Variants in HEATR5B observed in about 807,000 individuals in gnomAD.
HEATR5B encodes the protein HEAT repeat containing 5B, also known as HEAT repeat-containing protein 5B.
A neutral mutation model predicts 224.1 loss-of-function variants in HEATR5B; 156 were observed. The ratio of observed to expected loss-of-function variants is 0.70; its 90% CI spans 0.61 to 0.80. HEATR5B has a LOEUF of 0.80. Among genes scored for constraint, HEATR5B ranks in the 30% least tolerant of loss-of-function variants. The pLI, the probability that HEATR5B is intolerant of heterozygous loss-of-function variation, is 0.00. For synonymous variants in HEATR5B, 1,027 were observed against 893.0 expected (o/e 1.15, Z -2.68); for missense variants, 2,323 against 2,535.5 (o/e 0.92, Z 1.80).
At chr2:37,037,698 A>G (rs1669586284) in intron 21 of HEATR5B, among the ~76,000 whole-genome samples, 157 bp downstream of exon 21, 1 of 152,220 alleles carries the variant, frequency 6.6e-6, no homozygotes. Context: ...TGGATACCAC[A>G]TTCACTCTGA....
chr2:37,057,031 A>C (rs1207555666), intron 15 of HEATR5B, among the ~76,000 whole-genome samples: 1 of 152,220 alleles, frequency 6.6e-6, no homozygotes, highest in Non-Finnish European at 1.5e-5. Flanking sequence ...AAACTAAAAC[A>C]AAACAAAATA....
At chr2:37,080,957 T>G (rs1672525358) in intron 2 of HEATR5B, among the ~76,000 whole-genome samples, 1 of 152,062 alleles carries the variant, frequency 6.6e-6, no homozygotes, top group Non-Finnish European at 1.5e-5. Flanking sequence ...GGGTGGAGGG[T>G]GTACAGATAT....
At chr2:37,035,030 C>T (rs1046707292) in intron 21 of HEATR5B, among the ~76,000 whole-genome samples, 3 of 152,192 alleles carry the variant, frequency 2.0e-5, no homozygotes, top group African/African-American at 4.8e-5. Flanking sequence ...AATATCCAAT[C>T]CACCCATCTT....
intron 26 of HEATR5B, among the ~76,000 whole-genome samples, 187 bp from the exon 27 acceptor site, chr2:37,014,207 G>C (rs1667969471): frequency 6.6e-6 from 1 of 152,072 alleles, no homozygotes; most frequent in African/African-American, 2.4e-5. Flanking sequence ...TGTCACCCAG[G>C]CTGCAGCGGA....
chr2:37,019,944 C>A, intron 25 of HEATR5B, 67 bp from the exon 26 acceptor site: 1 of 1,178,256 alleles, frequency 8.5e-7, no homozygotes, highest in Non-Finnish European at 1.2e-6. Context: ...TACTCTATCA[C>A]CCAGGCTGGA....
At position 37,005,718 on chromosome 2, in the gene HEATR5B, G is replaced by A. The variant is rs752423745; in HGVS notation, c.4819C>T (p.Pro1607Ser). 1 of 1,609,718 alleles carries A rather than the reference G, an allele frequency of 6.2e-7. No individual in the cohort carries two copies. The highest frequency in any genetic ancestry group is 2.2e-5 in the East Asian group (1 of 44,828). ...QFLCSPRPEEPIEHVTACLQA... is the reference protein window; with the variant it reads ...QFLCSPRPEESIEHVTACLQA... Reference sequence around the variant, plus strand: ...AGGCATGCTGTAACATGTTCAATGGGCTCCTCAGGTCTAGGGGAACAAAGA... The same window carrying A: ...AGGCATGCTGTAACATGTTCAATGGACTCCTCAGGTCTAGGGGAACAAAGA... The change falls in exon 30 of 36, where the codon CCC becomes TCC. Residue 1607 changes from proline (P) to serine (S), a missense_variant. Pro to Ser is a moderately conservative substitution (Grantham distance 74). Coordinates refer to ENST00000233099, the MANE Select transcript of HEATR5B (RefSeq NM_019024.3).
In HEATR5B at chr2:37,008,707, C is replaced by G; in HGVS notation, c.4426G>C (p.Glu1476Gln). ...CACAGGCGACTGAGTGTTGGTAGTT[C>G]AGGTTGTACCAGTGTTATTAAACTA... ...PDSLITLVQP[E>Q]LPTLSRLWLA... The change falls in exon 28 of 36, where the codon GAA (glutamate) becomes CAA (glutamine). Residue 1476 changes from glutamate to glutamine, a missense_variant. Coordinates refer to ENST00000233099, the MANE Select transcript of HEATR5B (RefSeq NM_019024.3). 1 of 1,614,138 alleles carries G rather than the reference C, an allele frequency of 6.2e-7. No individual in the cohort carries two copies. Among genetic ancestry groups the G allele is most frequent in the Non-Finnish European group, 8.5e-7 (1 of 1,180,004 alleles).
At chr2:37,046,179 T>C (rs1280127373) in intron 18 of HEATR5B, among the ~76,000 whole-genome samples, 1 of 152,218 alleles carries the variant, frequency 6.6e-6, no homozygotes, top group Non-Finnish European at 1.5e-5. Context: ...CTCATAATCA[T>C]GCACCAATAC....
At chr2:37,044,630 TGG>T (rs1371106031) in intron 18 of HEATR5B, among the ~76,000 whole-genome samples, 1 of 152,200 alleles carries the variant, frequency 6.6e-6, no homozygotes, top group African/African-American at 2.4e-5. Context: ...TACCTAGAAG[TGG>T]AACTGGTAGG....
rs779205877 is a variant in HEATR5B at position 37,020,816 on chromosome 2, G to C, written c.3874C>G (p.Leu1292Val). 1.3e-6 allele frequency: 2 copies of C among 1,557,928 alleles called. No individual in the cohort carries two copies. The highest frequency in any genetic ancestry group is 8.6e-7 in the Non-Finnish European group (1 of 1,160,296). ...NPTNDLLVLH[L>V]SDLIRMAFMA... ...AATGCCATGCGAATGAGGTCAGAGAGATGAAGTACCAAGAGGTCATCTAAA... is the reference window on the plus strand; with the variant it reads ...AATGCCATGCGAATGAGGTCAGAGACATGAAGTACCAAGAGGTCATCTAAA... Residue 1292 changes from leucine (L) to valine (V), a missense_variant, in exon 25 of 36, where the codon CTC (leucine) becomes GTC (valine). By Grantham distance (32) the Leu-to-Val change is conservative. Around this residue, in one of 12 missense-constraint regions of HEATR5B, gnomAD observed 339 missense variants for 378.4 expected, o/e 0.90. Transcript: ENST00000233099.
intron 16 of HEATR5B, among the ~76,000 whole-genome samples, chr2:37,054,174 ATCTTAGATGATTTCTCTGTT>A (rs1670738025): frequency 1.4e-5 from 2 of 146,164 alleles, no homozygotes; most frequent in Non-Finnish European, 3.0e-5. Context: ...ATCCATGGCC[ATCTTAGATGATTTCTCTGTT>A]TTTTTTTTTT....
chr2:36,993,147 G>T (rs1342492497), intron 33 of HEATR5B, among the ~76,000 whole-genome samples: 1 of 152,044 alleles, frequency 6.6e-6, no homozygotes, highest in Non-Finnish European at 1.5e-5. Context: ...GAAATACTCA[G>T]TCTGCTACAT....
At chr2:37,014,410 C>G (rs920995197) in intron 26 of HEATR5B, among the ~76,000 whole-genome samples, 13 of 151,746 alleles carry the variant, frequency 8.6e-5, no homozygotes, top group African/African-American at 3.1e-4. Flanking sequence ...GATCTGCCTG[C>G]CTCAGCCTCC....
Position 37,040,514 on chromosome 2 carries a change from C to G in HEATR5B, c.2861G>C (p.Trp954Ser). ...TATCAAAGCAAGTGAATGAAGAGAC[C>G]AAGTCTAGAATAAAATATAATTTCA... is the stretch of plus-strand genomic sequence containing the variant. ...QDGTSPEVQT[W>S]SLHSLALIVD... Residue 954 changes from tryptophan (W) to serine (S), a missense_variant, in exon 20 of 36, where the codon TGG becomes TCG. Transcript: ENST00000233099. 1 of 1,601,914 alleles carries G rather than the reference C, an allele frequency of 6.2e-7. No homozygotes were observed. The highest frequency in any genetic ancestry group is 2.2e-5 in the East Asian group (1 of 44,712).
At chr2:37,032,841 A>G in intron 21 of HEATR5B, 68 bp from the exon 22 acceptor site, 13 of 1,335,504 alleles carry the variant, frequency 9.7e-6, no homozygotes, top group East Asian at 2.4e-5. Flanking sequence ...TTATTTGCCC[A>G]ATGAATATAT....
At position 37,045,704 on chromosome 2, in the gene HEATR5B, C is replaced by T. The variant is rs13399683; in HGVS notation, c.2696+3949G>A. ...CAGCTCTCTCCTCTCTGTTATTCCA[C>T]CCTACACATTCTAGCTACCTTGCCT... On this transcript the variant is annotated intron_variant, in intron 18 of 35. Coordinates refer to ENST00000233099, the MANE Select transcript of HEATR5B (RefSeq NM_019024.3). Among the ~76,000 whole-genome samples, 1,333 of 152,306 alleles carry T rather than the reference C, an allele frequency of 8.8e-3. 23 individuals carry two copies. Among genetic ancestry groups the T allele is most frequent in the African/African-American group, 0.031 (1,273 of 41,552 alleles).
intron 33 of HEATR5B, 101 bp from the exon 34 acceptor site, chr2:36,990,900 G>A (rs1468613253): frequency 2.9e-6 from 3 of 1,029,410 alleles, no homozygotes; most frequent in Non-Finnish European, 4.1e-6. Flanking sequence ...ATGTTGTCCA[G>A]GCTGGTCTTG....
chr2:37,015,481 G>T (rs1323581776), intron 26 of HEATR5B, among the ~76,000 whole-genome samples: 1 of 152,204 alleles, frequency 6.6e-6, no homozygotes, highest in Non-Finnish European at 1.5e-5. Context: ...ATCTGAGACA[G>T]ACTTGTAGTT....
At chr2:36,987,033 A>G (rs1246673879) in intron 35 of HEATR5B, among the ~76,000 whole-genome samples, 1 of 152,174 alleles carries the variant, frequency 6.6e-6, no homozygotes, top group Admixed American at 6.6e-5. Flanking sequence ...GATTACAGGC[A>G]TGAGCCACTG....
Sources: gnomAD v4.1 joint callset for allele counts (sites outside exome capture counted in the v4.1 genomes callset) on GRCh38, gnomAD v4.1.1 for gene constraint, gnomAD v4.1.1 regional missense constraint, MANE v1.5 for transcripts, NCBI Gene and HGNC (gene_info 2026-07-23, HGNC 2026-07-21) for gene names.